Variants in SMURF2 observed in about 807,000 individuals in gnomAD.
The protein encoded by SMURF2 is SMAD specific E3 ubiquitin protein ligase 2, also known as E3 ubiquitin-protein ligase SMURF2.
In SMURF2, 48 loss-of-function variants were observed where a neutral mutation model predicts 109.6. The ratio of observed to expected loss-of-function variants is 0.44; its 90% CI spans 0.35 to 0.56. The LOEUF is 0.56. Among genes scored for constraint, SMURF2 ranks in the 20% least tolerant of loss-of-function variants. SMURF2 has a pLI of 0.01. For synonymous variants in SMURF2, 288 were observed against 317.1 expected, an observed-to-expected ratio of 0.91 and a Z score of 0.97; for missense variants, 575 against 909.0, an observed-to-expected ratio of 0.63 and a Z score of 4.72.
At chr17:64,564,055 C>A (rs1188432764) in intron 10 of SMURF2, among the ~76,000 whole-genome samples, 2 of 152,104 alleles carry the variant, frequency 1.3e-5, no homozygotes, top group Non-Finnish European at 2.9e-5. Context: ...CTGAGCTGCT[C>A]GATTTGGGAG....
rs1158190564 is a variant in SMURF2, at chr17:64,661,972, C to G, written c.-92G>C. On this transcript the variant is annotated 5_prime_UTR_variant, in exon 1 of 19. Coordinates refer to ENST00000262435, the MANE Select transcript of SMURF2 (RefSeq NM_022739.4). ...CACCACAGCGGCCGGGGCTGGGGCCCGAGCAGCCGGCGCCTCGGCCGCCAC... is the reference window on the plus strand; with the variant it reads ...CACCACAGCGGCCGGGGCTGGGGCCGGAGCAGCCGGCGCCTCGGCCGCCAC... 3.6e-6 allele frequency: 4 copies of G among 1,121,112 alleles called. No individual in the cohort carries two copies. The highest frequency in any genetic ancestry group is 4.4e-6 in the Non-Finnish European group (4 of 917,772). 69.4% of individuals were successfully genotyped at this position (1,121,112 alleles called of 1,614,324 possible).
In SMURF2 at chr17:64,662,237, G is replaced by A. The variant is rs1970794365; in HGVS notation, c.-357C>T. On this transcript the variant is annotated 5_prime_UTR_variant, in exon 1 of 19. Coordinates refer to ENST00000262435, the MANE Select transcript of SMURF2 (RefSeq NM_022739.4). Reference sequence around the variant, plus strand: ...GCCGACGGGGCTGGTCGGCTGAAGCGGGCGGTGCTCGGGGGCGCCGGAGCA... The same window carrying A: ...GCCGACGGGGCTGGTCGGCTGAAGCAGGCGGTGCTCGGGGGCGCCGGAGCA... 3 of 983,440 alleles carry A rather than the reference G, an allele frequency of 3.1e-6. No homozygotes were observed. The highest frequency in any genetic ancestry group is 3.6e-6 in the Non-Finnish European group (3 of 829,178). 60.9% of individuals were successfully genotyped at this position (983,440 alleles called of 1,614,324 possible). A position where few individuals can be genotyped will look rare whatever the true frequency, so the allele number is the denominator to read the frequency against.
chr17:64,607,062 GT>G (rs1412359777), intron 1 of SMURF2, among the ~76,000 whole-genome samples: 16 of 146,938 alleles, frequency 1.1e-4, no homozygotes, highest in South Asian at 4.3e-4. Context: ...ATATAGATGA[GT>G]TTTTTTTCTT....
intron 1 of SMURF2, among the ~76,000 whole-genome samples, chr17:64,650,903 C>T (rs570887209): frequency 1.5e-5 from 2 of 136,048 alleles, no homozygotes; most frequent in African/African-American, 3.7e-5. Context: ...TAGGAATGCA[C>T]GGTGGTTAAA....
At position 64,566,575 on chromosome 17, in the gene SMURF2, T is replaced by TTTTTTTTTTTTTG. The variant is rs1555685005; in HGVS notation, c.1017-3610_1017-3609insCAAAAAAAAAAAA. On this transcript the variant is annotated intron_variant, in intron 10 of 18. Transcript: ENST00000262435. ...TAAGCTTTCTGGTTTTTTTTTTTTT[T>TTTTTTTTTTTTTG]TTTTTTTTTTTTTTTTGAGACAGTC... Among the ~76,000 whole-genome samples the TTTTTTTTTTTTTG allele has an allele frequency of 3.4e-4, 35 of 103,258 alleles. 2 individuals carry two copies. The highest frequency in any genetic ancestry group is 6.5e-4 in the Non-Finnish European group (32 of 49,146). 67.7% of individuals were successfully genotyped at this position (103,258 alleles called of 152,430 possible). A position where few individuals can be genotyped will look rare whatever the true frequency, so the allele number is the denominator to read the frequency against.
At chr17:64,546,752 G>A (rs781876983) in intron 17 of SMURF2, among the ~76,000 whole-genome samples, 8 of 152,214 alleles carry the variant, frequency 5.3e-5, no homozygotes, top group Admixed American at 1.3e-4. Flanking sequence ...CAAAAGAGCC[G>A]TCTATAGAAT....
At chr17:64,546,928 A>T in intron 17 of SMURF2, among the ~76,000 whole-genome samples, 1 of 152,256 alleles carries the variant, frequency 6.6e-6, no homozygotes, top group East Asian at 1.9e-4. Context: ...CGCTGTGGGC[A>T]GCACTGTCGA....
chr17:64,640,775 T>G (rs1555692498), intron 1 of SMURF2, among the ~76,000 whole-genome samples: 1 of 151,900 alleles, frequency 6.6e-6, no homozygotes, highest in South Asian at 2.1e-4. Flanking sequence ...AAAAATTAGC[T>G]GGGCATGGTG....
chr17:64,546,262 C>T lies in SMURF2; in HGVS notation c.2147+1G>A. ...GGAATACAGCTACAAAAATACCTTACCAAGTGTGGGCTTTCGGCAGGTTGT... is the reference window on the plus strand; with the variant it reads ...GGAATACAGCTACAAAAATACCTTATCAAGTGTGGGCTTTCGGCAGGTTGT... On this transcript the variant is annotated splice_donor_variant, in intron 18 of 18. Transcript: ENST00000262435. LOFTEE classifies it high-confidence loss of function. 6.2e-7 allele frequency: 1 copy of T among 1,613,948 alleles called. No homozygotes were observed. The highest frequency in any genetic ancestry group is 8.5e-7 in the Non-Finnish European group (1 of 1,179,868).
At chr17:64,649,106 C>T (rs1171603142) in intron 1 of SMURF2, among the ~76,000 whole-genome samples, 3 of 152,172 alleles carry the variant, frequency 2.0e-5, no homozygotes, top group African/African-American at 7.2e-5. Flanking sequence ...CTATCTACTC[C>T]TACAACATGT....
intron 1 of SMURF2, among the ~76,000 whole-genome samples, chr17:64,636,602 C>CAAAAAAAAA (rs782425202): frequency 2.6e-5 from 1 of 38,754 alleles, no homozygotes; most frequent in Non-Finnish European, 5.1e-5. Context: ...GACTCTGCCT[C>CAAAAAAAAA]AAAAAAAAAA....
intron 1 of SMURF2, among the ~76,000 whole-genome samples, chr17:64,654,700 A>G (rs1440757400): frequency 6.6e-6 from 1 of 152,172 alleles, no homozygotes; most frequent in Non-Finnish European, 1.5e-5. Flanking sequence ...GCGGTGGCAC[A>G]TGCCTATAAT....
intron 5 of SMURF2, among the ~76,000 whole-genome samples, chr17:64,587,682 C>T (rs1598283688): frequency 6.6e-6 from 1 of 152,160 alleles, no homozygotes; most frequent in Admixed American, 6.5e-5. Flanking sequence ...CAGTTCAACA[C>T]AGAGCTCCTT....
chr17:64,567,342 A>G (rs1555685119), intron 10 of SMURF2, among the ~76,000 whole-genome samples: 1 of 152,248 alleles, frequency 6.6e-6, no homozygotes, highest in African/African-American at 2.4e-5. Context: ...ACTAACAATT[A>G]TAAGAAAACT....
chr17:64,648,403 T>G (rs1407516116), intron 1 of SMURF2, among the ~76,000 whole-genome samples: 2 of 152,202 alleles, frequency 1.3e-5, no homozygotes, highest in Non-Finnish European at 2.9e-5. Context: ...GTTAGTTAAT[T>G]CAATAATGAC....
rs144702238 is a variant in SMURF2 at position 64,633,923 on chromosome 17, G to A, written c.53-27283C>T. 1.7e-3 allele frequency among the ~76,000 whole-genome samples: 258 copies of A among 152,274 alleles called. 1 individual carries two copies. The highest frequency in any genetic ancestry group is 5.8e-3 in the African/African-American group (243 of 41,556). ...TGTCATCCCAACACTTTAGGAGGCC[G>A]AGGTGGGCAGATCACCTGAGGTCAG... On this transcript the variant is annotated intron_variant, in intron 1 of 18. Transcript: ENST00000262435.
intron 11 of SMURF2, among the ~76,000 whole-genome samples, chr17:64,562,524 C>T (rs1969236537): frequency 6.6e-6 from 1 of 151,450 alleles, no homozygotes; most frequent in Non-Finnish European, 1.5e-5. Context: ...GGATTACAGG[C>T]ATGTGCCACC....
At chr17:64,557,829 A>G in intron 12 of SMURF2, 107 bp from the exon 13 acceptor site, 1 of 616,936 alleles carries the variant, frequency 1.6e-6, no homozygotes, top group Non-Finnish European at 2.8e-6. Context: ...AATTAATAAA[A>G]GGCAAAAAAG....
intron 1 of SMURF2, among the ~76,000 whole-genome samples, chr17:64,629,773 A>G (rs1970313263): frequency 6.6e-6 from 1 of 152,198 alleles, no homozygotes; most frequent in Non-Finnish European, 1.5e-5. Flanking sequence ...ACAACAGAAT[A>G]TTGTCCAAGA....
Sources: allele counts gnomAD v4.1 joint callset (sites outside exome capture counted in the v4.1 genomes callset), GRCh38; gene constraint gnomAD v4.1.1; transcripts MANE v1.5; gene names NCBI Gene and HGNC (gene_info 2026-07-23, HGNC 2026-07-21).